The following TWSG1 variants were observed in gnomAD, a reference collection of about 807,000 sequenced individuals.
TWSG1 encodes the protein twisted gastrulation protein homolog 1.
A neutral mutation model predicts 23.0 loss-of-function variants in TWSG1; 15 were observed. That is an observed-to-expected ratio of 0.65 (90% CI 0.44 to 1.00). The LOEUF is 1.00. Ranked by LOEUF, TWSG1 falls within the 50% of genes least tolerant of loss-of-function variation. The pLI is 0.00. For missense variants in TWSG1, 242 were observed against 278.7 expected, an observed-to-expected ratio of 0.87 and a Z score of 0.94; for synonymous variants, 86 against 92.8, an observed-to-expected ratio of 0.93 and a Z score of 0.42.
At position 9,377,828 on chromosome 18, in the gene TWSG1, T is replaced by A. The variant is rs534780049; in HGVS notation, c.223+17757T>A. ...TTGACCTCCCAGGCTCAAGCCATCT[T>A]CCACCTCAGCCTCCCAAGTAGCTAG... On this transcript the variant is annotated intron_variant, in intron 3 of 4. Transcript: ENST00000262120. 4.9e-4 allele frequency among the ~76,000 whole-genome samples: 74 copies of A among 151,330 alleles called. 1 individual carries two copies. The highest frequency in any genetic ancestry group is 6.9e-3 in the Middle Eastern group (2 of 288).
At chr18:9,393,788 T>C (rs1337318520) in intron 3 of TWSG1, among the ~76,000 whole-genome samples, 1 of 152,214 alleles carries the variant, frequency 6.6e-6, no homozygotes, top group Non-Finnish European at 1.5e-5. Context: ...CTTGAACTCC[T>C]AGCCTGAAGC....
chr18:9,357,389 G>A (rs2040531755), intron 2 of TWSG1, among the ~76,000 whole-genome samples: 1 of 152,002 alleles, frequency 6.6e-6, no homozygotes, highest in East Asian at 1.9e-4. Context: ...ATTAGCAAGG[G>A]GACTTTTGGA....
At chr18:9,357,274 A>G (rs1021266189) in intron 2 of TWSG1, among the ~76,000 whole-genome samples, 24 of 152,318 alleles carry the variant, frequency 1.6e-4, no homozygotes, top group Middle Eastern at 6.8e-3. Flanking sequence ...CTGCAGTACC[A>G]AAATATTACA....
rs529448059 is a variant in TWSG1, at chr18:9,364,801, A to G, written c.223+4730A>G. Among the ~76,000 whole-genome samples, 126 of 151,272 alleles carry G rather than the reference A, an allele frequency of 8.3e-4. 1 individual carries two copies. The highest frequency in any genetic ancestry group is 1.2e-3 in the Non-Finnish European group (79 of 67,552). ...AGAGGGAGACTCTGTCTCAGAAAAAAAAAAAGAAGAAGAAGAAAAGTTGTA... is the reference window on the plus strand; with the variant it reads ...AGAGGGAGACTCTGTCTCAGAAAAAGAAAAAGAAGAAGAAGAAAAGTTGTA... On this transcript the variant is annotated intron_variant, in intron 3 of 4. Transcript: ENST00000262120.
intron 3 of TWSG1, among the ~76,000 whole-genome samples, chr18:9,381,986 A>G (rs1217141189): frequency 6.6e-6 from 1 of 152,170 alleles, no homozygotes; most frequent in Non-Finnish European, 1.5e-5. Context: ...CCTTTAGAAT[A>G]ACTCTAAGAT....
At chr18:9,378,866 A>G (rs556988039) in intron 3 of TWSG1, among the ~76,000 whole-genome samples, 2 of 152,122 alleles carry the variant, frequency 1.3e-5, no homozygotes, top group East Asian at 3.9e-4. Flanking sequence ...CTGTAGTCCT[A>G]CCTACTACAG....
intron 3 of TWSG1, among the ~76,000 whole-genome samples, chr18:9,393,730 T>G (rs1473655246): frequency 1.3e-5 from 2 of 151,716 alleles, no homozygotes; most frequent in African/African-American, 4.9e-5. Context: ...GCTAATTTTT[T>G]TGTTTGTTTT....
chr18:9,360,358 C>T (rs1250282229), intron 3 of TWSG1, among the ~76,000 whole-genome samples: 2 of 151,498 alleles, frequency 1.3e-5, no homozygotes, highest in African/African-American at 4.9e-5. Flanking sequence ...TTATAAGCAG[C>T]AGCATTTTTT....
intron 2 of TWSG1, among the ~76,000 whole-genome samples, chr18:9,340,960 C>A (rs541045888): frequency 1.3e-5 from 2 of 152,300 alleles, no homozygotes; most frequent in South Asian, 4.1e-4. Context: ...AGTCTAATAC[C>A]TGGGCTGGGA....
At chr18:9,344,331 T>G (rs78071176) in intron 2 of TWSG1, among the ~76,000 whole-genome samples, 28,214 of 152,154 alleles carry the variant, frequency 0.19, 2,782 homozygotes, top group East Asian at 0.24. Flanking sequence ...GCTGCACTAT[T>G]TTACATTCCT....
chr18:9,394,559 C>G (rs1403842706), intron 3 of TWSG1, among the ~76,000 whole-genome samples: 2 of 152,166 alleles, frequency 1.3e-5, no homozygotes, highest in Middle Eastern at 3.4e-3. Flanking sequence ...TTTCAAATAG[C>G]TAGAAGAAGG....
At chr18:9,392,419 T>A (rs1041053267) in intron 3 of TWSG1, among the ~76,000 whole-genome samples, 1 of 152,244 alleles carries the variant, frequency 6.6e-6, no homozygotes, top group Non-Finnish European at 1.5e-5. Flanking sequence ...TTCTGTAGCT[T>A]CCTTACCTCT....
chr18:9,368,818 C>T (rs911509897), intron 3 of TWSG1, among the ~76,000 whole-genome samples: 6 of 152,066 alleles, frequency 3.9e-5, no homozygotes, highest in Non-Finnish European at 4.4e-5. Flanking sequence ...CATGGTGGCA[C>T]ACACCTGTAA....
intron 2 of TWSG1, among the ~76,000 whole-genome samples, chr18:9,341,806 T>C (rs1426538860): frequency 6.7e-6 from 1 of 148,900 alleles, no homozygotes; most frequent in African/African-American, 2.5e-5. Flanking sequence ...TATTTTATTT[T>C]ATTATTTTTT....
intron 2 of TWSG1, among the ~76,000 whole-genome samples, chr18:9,350,894 T>G (rs1201309002): frequency 6.6e-6 from 1 of 152,188 alleles, no homozygotes; most frequent in Non-Finnish European, 1.5e-5. Context: ...TTATAATTGT[T>G]TATTCTTTTG....
chr18:9,358,596 G>C (rs1598825020), intron 2 of TWSG1, among the ~76,000 whole-genome samples: 1 of 152,224 alleles, frequency 6.6e-6, no homozygotes, highest in Admixed American at 6.5e-5. Flanking sequence ...TTGGAGGAGG[G>C]GGGTCTTAAG....
chr18:9,360,111 C>A, intron 3 of TWSG1, 40 bp downstream of exon 3: 1 of 1,524,920 alleles, frequency 6.6e-7, no homozygotes, highest in Non-Finnish European at 9.1e-7. Context: ...TATTTCTTAT[C>A]ACAGAATCCT....
chr18:9,368,602 C>T (rs1182740163), intron 3 of TWSG1, among the ~76,000 whole-genome samples: 1 of 151,718 alleles, frequency 6.6e-6, no homozygotes, highest in African/African-American at 2.4e-5. Context: ...CATTTGAGGT[C>T]AGGAGTTCAA....
At chr18:9,391,402 A>T (rs1371286679) in intron 3 of TWSG1, among the ~76,000 whole-genome samples, 13 of 152,238 alleles carry the variant, frequency 8.5e-5, no homozygotes. Context: ...CCCATGAATC[A>T]TGAATGCTCC....
Sources: allele counts gnomAD v4.1 joint callset (sites outside exome capture counted in the v4.1 genomes callset), GRCh38; gene constraint gnomAD v4.1.1; transcripts MANE v1.5; gene names NCBI Gene and HGNC (gene_info 2026-07-23, HGNC 2026-07-21).